Variants in LRRC8D observed in about 807,000 individuals in gnomAD.
LRRC8D encodes leucine rich repeat containing 8 VRAC subunit D, also known as volume-regulated anion channel subunit LRRC8D.
A neutral mutation model predicts 55.8 loss-of-function variants in LRRC8D; 20 were observed. The ratio of observed to expected loss-of-function variants is 0.36; its 90% CI spans 0.25 to 0.52. LRRC8D has a LOEUF of 0.52. Ranked by LOEUF, LRRC8D falls within the 20% of genes least tolerant of loss-of-function variation. The pLI is 0.93. For missense variants in LRRC8D, 651 were observed against 1,030.8 expected, an observed-to-expected ratio of 0.63 and a Z score of 5.05; for synonymous variants, 352 against 377.0, an observed-to-expected ratio of 0.93 and a Z score of 0.77.
Position 89,933,488 on chromosome 1 carries a change from C to A in LRRC8D, c.420C>A (p.Asn140Lys). Residue 140 changes from asparagine to lysine, a missense_variant, in exon 3 of 3, where the codon AAC becomes AAA. Transcript: ENST00000337338. The surrounding 1 kb of genome is among the most constrained non-coding windows in gnomAD (Gnocchi z 7.0). ...AAGATCCAACAGGTCGAAAAACAAA[C>A]TTGGATTTTCAGCAATATGTATTTA... is the stretch of plus-strand genomic sequence containing the variant. ...EKKDPTGRKT[N>K]LDFQQYVFIN... 6.2e-7 allele frequency: 1 copy of A among 1,614,154 alleles called. No individual in the cohort carries two copies. The highest frequency in any genetic ancestry group is 8.5e-7 in the Non-Finnish European group (1 of 1,180,028).
chr1:89,899,340 T>C (rs1183310925), intron 2 of LRRC8D, among the ~76,000 whole-genome samples: 2 of 152,244 alleles, frequency 1.3e-5, no homozygotes, highest in African/African-American at 2.4e-5. Context: ...CTGTCTTTTC[T>C]GCATGGTCAA....
intron 1 of LRRC8D, among the ~76,000 whole-genome samples, chr1:89,836,609 C>A (rs555308921): frequency 6.6e-6 from 1 of 152,288 alleles, no homozygotes; most frequent in East Asian, 1.9e-4. Context: ...TGGAATAATA[C>A]GATCATGCTC....
At chr1:89,859,586 C>T (rs1169712623) in intron 2 of LRRC8D, among the ~76,000 whole-genome samples, 3 of 151,982 alleles carry the variant, frequency 2.0e-5, no homozygotes, top group Admixed American at 6.6e-5. Context: ...TATTTGTAAC[C>T]CTGAGCTTTT....
At position 89,926,398 on chromosome 1, in the gene LRRC8D, T is replaced by A. The variant is rs137906577; in HGVS notation, c.-2-6669T>A. ...CTTGAGGGCAAGGATCTATATTAGA[T>A]CATCTCTGCATTCCCCTCCATGGTG... On this transcript the variant is annotated intron_variant, in intron 2 of 2. Transcript: ENST00000337338. Among the ~76,000 whole-genome samples, 19 of 152,376 alleles carry A rather than the reference T, an allele frequency of 1.2e-4. No homozygotes were observed. In the East Asian group the frequency reaches 3.5e-3, roughly 28 times the overall value.
intron 2 of LRRC8D, among the ~76,000 whole-genome samples, chr1:89,929,646 T>C (rs1316712603): frequency 1.3e-5 from 2 of 152,218 alleles, no homozygotes; most frequent in African/African-American, 4.8e-5. Context: ...GGATACCTTC[T>C]GAGAAATGTA....
At chr1:89,906,731 C>G (rs761935436) in intron 2 of LRRC8D, among the ~76,000 whole-genome samples, 1 of 152,058 alleles carries the variant, frequency 6.6e-6, no homozygotes, top group South Asian at 2.1e-4. Flanking sequence ...TGGAGTATGA[C>G]CAGCCTGTGT....
chr1:89,862,384 C>T (rs2100799070), intron 2 of LRRC8D, among the ~76,000 whole-genome samples: 1 of 152,220 alleles, frequency 6.6e-6, no homozygotes, highest in Non-Finnish European at 1.5e-5. Context: ...ATACTGCTTA[C>T]TAAGTTGTTA....
At chr1:89,907,103 T>G (rs918079153) in intron 2 of LRRC8D, among the ~76,000 whole-genome samples, 2 of 151,962 alleles carry the variant, frequency 1.3e-5, no homozygotes, top group African/African-American at 4.8e-5. Context: ...TATTTTCATG[T>G]ATCACGTTCA....
chr1:89,881,899 G>A (rs1662295020), intron 2 of LRRC8D, among the ~76,000 whole-genome samples: 1 of 152,192 alleles, frequency 6.6e-6, no homozygotes, highest in Non-Finnish European at 1.5e-5. Flanking sequence ...AGATGGAGTT[G>A]GCCCTGTTAA....
intron 2 of LRRC8D, among the ~76,000 whole-genome samples, chr1:89,907,902 G>T (rs1489269579): frequency 1.3e-5 from 2 of 152,190 alleles, no homozygotes. Flanking sequence ...GATGAATCAT[G>T]TTGCCTGGAG....
chr1:89,845,746 AGACCTGTAC>A (rs1222292727), intron 2 of LRRC8D, among the ~76,000 whole-genome samples: 1 of 152,028 alleles, frequency 6.6e-6, no homozygotes, highest in Non-Finnish European at 1.5e-5. Flanking sequence ...GATTCTTGAA[AGACCTGTAC>A]AACCATAGTG....
chr1:89,868,584 T>A (rs1295281650), intron 2 of LRRC8D, among the ~76,000 whole-genome samples: 2 of 152,190 alleles, frequency 1.3e-5, no homozygotes, highest in African/African-American at 4.8e-5. Flanking sequence ...GAGCTAATTG[T>A]TGAGTTCTAA....
intron 2 of LRRC8D, among the ~76,000 whole-genome samples, chr1:89,909,309 G>A (rs927551359): frequency 6.6e-6 from 1 of 151,864 alleles, no homozygotes; most frequent in East Asian, 1.9e-4. Flanking sequence ...ATAAAGTCCC[G>A]AGGCATTTAG....
At chr1:89,849,173 G>A (rs1300783893) in intron 2 of LRRC8D, among the ~76,000 whole-genome samples, 2 of 152,152 alleles carry the variant, frequency 1.3e-5, no homozygotes, top group African/African-American at 4.8e-5. Context: ...AATGATCATG[G>A]TTTGTTTAGT....
At chr1:89,917,926 A>G (rs1476310648) in intron 2 of LRRC8D, among the ~76,000 whole-genome samples, 3 of 151,940 alleles carry the variant, frequency 2.0e-5, no homozygotes, top group South Asian at 4.2e-4. Flanking sequence ...TATATACACA[A>G]CTCGGTGAAT....
chr1:89,864,843 C>T (rs1193903507), intron 2 of LRRC8D, among the ~76,000 whole-genome samples: 2 of 152,188 alleles, frequency 1.3e-5, no homozygotes, highest in African/African-American at 4.8e-5. Flanking sequence ...TCTTCCTGTA[C>T]TTCTTATTGG....
At chr1:89,888,676 A>G (rs1662485326) in intron 2 of LRRC8D, among the ~76,000 whole-genome samples, 1 of 152,208 alleles carries the variant, frequency 6.6e-6, no homozygotes, top group African/African-American at 2.4e-5. Flanking sequence ...GAGCGGGGGC[A>G]GGGAATGTGC....
At chr1:89,846,636 T>G (rs990197505) in intron 2 of LRRC8D, 1 of 152,218 alleles carries the variant, frequency 6.6e-6, no homozygotes, top group African/African-American at 2.4e-5. Flanking sequence ...ACCTCTTCAC[T>G]CAGGCTCTGC....
At chr1:89,848,108 C>G (rs1310230451) in intron 2 of LRRC8D, among the ~76,000 whole-genome samples, 1 of 152,142 alleles carries the variant, frequency 6.6e-6, no homozygotes, top group Non-Finnish European at 1.5e-5. Flanking sequence ...GTGTTAAGCC[C>G]TGATTTTGGA....
Sources: gnomAD v4.1 joint callset for allele counts (sites outside exome capture counted in the v4.1 genomes callset) on GRCh38, gnomAD v4.1.1 for gene constraint, Gnocchi (gnomAD v3.1) non-coding constraint, MANE v1.5 for transcripts, NCBI Gene and HGNC (gene_info 2026-07-23, HGNC 2026-07-21) for gene names.